FAM186B: variants seen among roughly 807,000 people sequenced by gnomAD.
The protein encoded by FAM186B is protein FAM186B.
In FAM186B, 68 loss-of-function variants were observed where a neutral mutation model predicts 83.4. The observed-to-expected ratio is 0.81, with a 90% CI of 0.67 to 1.00. The LOEUF (loss-of-function observed/expected upper bound fraction) is 1.00, where lower values mean the gene tolerates loss of function less well. FAM186B is among the 50% of genes least tolerant of loss of function. FAM186B has a pLI of 0.00. For synonymous variants in FAM186B, 389 were observed against 422.0 expected, an observed-to-expected ratio of 0.92 and a Z score of 0.96; for missense variants, 983 against 1,099.2, an observed-to-expected ratio of 0.89 and a Z score of 1.49.
chr12:49,613,275 C>A, the FAM186B span, among the ~76,000 whole-genome samples: 2 of 152,088 alleles, frequency 1.3e-5, no homozygotes, highest in African/African-American at 4.8e-5. Flanking sequence ...CGCCTGTAAT[C>A]CCAGCACTTT....
At chr12:49,592,473 A>T (rs368946420) in intron 5 of FAM186B, among the ~76,000 whole-genome samples, 87 of 152,070 alleles carry the variant, frequency 5.7e-4, no homozygotes, top group Middle Eastern at 6.8e-3. Context: ...CTCTGTCTCA[A>T]AAAATAATAA....
At position 49,600,487 on chromosome 12, in the gene FAM186B, T is replaced by C; in HGVS notation, c.1153A>G (p.Ile385Val). ...GAAAGTGGCTGGTGCCCTGCAGCTATAGCACCACTGTCCCGTATCATGGCC... is the reference window on the plus strand; with the variant it reads ...GAAAGTGGCTGGTGCCCTGCAGCTACAGCACCACTGTCCCGTATCATGGCC... ...PMAMIRDSGA[I>V]AAGHQPLSTM... Residue 385 changes from isoleucine (I) to valine (V), a missense_variant, in exon 4 of 7, where the codon ATA (isoleucine) becomes GTA (valine). Coordinates refer to ENST00000257894, the MANE Select transcript of FAM186B (RefSeq NM_032130.3). This position sits in a 1 kb window ranked among gnomAD's most constrained non-coding sequence, Gnocchi z 4.3. The C allele has an allele frequency of 1.2e-6, 2 of 1,613,882 alleles. No individual in the cohort carries two copies. Among genetic ancestry groups the C allele is most frequent in the South Asian group, 1.1e-5 (1 of 91,024 alleles).
downstream of FAM186B, among the ~76,000 whole-genome samples, chr12:49,587,171 C>T (rs114052953): frequency 0.016 from 2,404 of 152,080 alleles, 60 homozygotes; most frequent in African/African-American, 0.054. Flanking sequence ...TTCTAGGGAC[C>T]GTTCTTGAAG....
chr12:49,605,378 C>G lies in FAM186B; in HGVS notation c.96+4G>C, dbSNP rs767650412. 1.9e-6 allele frequency: 3 copies of G among 1,611,258 alleles called. No homozygotes were observed. In the South Asian group the frequency reaches 3.3e-5, roughly 18 times the overall value. ...AAGAGTGATTCCTTCATCTCAGGGG[C>G]TACCTCTTGAGCCCGAGTTAGCTGG... On this transcript the variant is annotated splice_donor_region_variant and intron_variant, in intron 1 of 6. Transcript: ENST00000257894.
At chr12:49,596,725 T>G (rs1188222645) in intron 5 of FAM186B, among the ~76,000 whole-genome samples, 1 of 152,032 alleles carries the variant, frequency 6.6e-6, no homozygotes, top group African/African-American at 2.4e-5. Context: ...GTATGGAGGC[T>G]CCTAAAAAAA....
At chr12:49,602,214 GAC>G (rs1939911118) in intron 3 of FAM186B, among the ~76,000 whole-genome samples, 1 of 152,166 alleles carries the variant, frequency 6.6e-6, no homozygotes, top group Admixed American at 6.5e-5. Flanking sequence ...AAGAACTAAA[GAC>G]ACAGTCTTTA....
chr12:49,598,755 CT>C lies in FAM186B; in HGVS notation c.2363del (p.Lys788SerfsTer10). 6.2e-7 allele frequency: 1 copy of C among 1,602,838 alleles called. No homozygotes were observed. Among genetic ancestry groups the C allele is most frequent in the Non-Finnish European group, 8.5e-7 (1 of 1,176,832 alleles). On this transcript the variant is annotated frameshift_variant and splice_region_variant, in exon 5 of 7. Coordinates refer to ENST00000257894, the MANE Select transcript of FAM186B (RefSeq NM_032130.3). LOFTEE classifies it high-confidence loss of function. ...GGGGGGGTCAGGGCGGGAGGCCCAC[CT>C]TGGGGAACATGGTCACCATGCTGCT... ...CLSSMVTMFP[K>X]LQLEWNVHLN...
intron 5 of FAM186B, chr12:49,595,246 C>T: frequency 1.4e-6 from 1 of 691,974 alleles, no homozygotes; most frequent in South Asian, 1.4e-5. Context: ...TGGAAAAGAC[C>T]CAGTACAGTG....
At chr12:49,583,974 A>G (rs1391716785), downstream of FAM186B, 1 of 157,508 alleles carries the variant, frequency 6.3e-6, no homozygotes, top group African/African-American at 2.4e-5. Context: ...TTTGAACCTC[A>G]TGTCTCCATG....
Position 49,604,460 on chromosome 12 carries a change from C to G in FAM186B, c.175G>C (p.Asp59His). ...TGAGATTTGGCATTTTCTTTTAAAT[C>G]ATATCCTAATTCTTCCTGGAAGCGG... ...INRFQEELGY[D>H]LKENAKSQQR... Residue 59 changes from aspartate to histidine, a missense_variant, in exon 2 of 7, where the codon GAT (aspartate) becomes CAT (histidine). Transcript: ENST00000257894. 6.2e-7 allele frequency: 1 copy of G among 1,614,208 alleles called. No homozygotes were observed. The highest frequency in any genetic ancestry group is 1.3e-5 in the African/African-American group (1 of 75,048).
the FAM186B span, among the ~76,000 whole-genome samples, chr12:49,615,914 G>A: frequency 2.0e-5 from 3 of 152,202 alleles, no homozygotes; most frequent in Non-Finnish European, 1.5e-5. Context: ...TGATAAGAAT[G>A]AGTCAGATGA....
rs1024877891 is a variant in FAM186B at position 49,594,662 on chromosome 12, G to A, written c.2364+4093C>T. Among the ~76,000 whole-genome samples, 5 of 152,210 alleles carry A rather than the reference G, an allele frequency of 3.3e-5. No individual in the cohort carries two copies. In the East Asian group the frequency reaches 9.6e-4, roughly 29 times the overall value. On this transcript the variant is annotated intron_variant, in intron 5 of 6. Transcript: ENST00000257894. Reference sequence around the variant, plus strand: ...GGCCAAGGTGGGTGGATCACCAGAGGTCAGGAGTTTGAGACCAGCCTGGCC... The same window carrying A: ...GGCCAAGGTGGGTGGATCACCAGAGATCAGGAGTTTGAGACCAGCCTGGCC...
At chr12:49,622,289 C>T in the FAM186B span, among the ~76,000 whole-genome samples, 1 of 151,944 alleles carries the variant, frequency 6.6e-6, no homozygotes, top group Non-Finnish European at 1.5e-5. Context: ...CCACCTCCCC[C>T]AAAAGTTTGA....
chr12:49,597,652 A>T (rs1448921705), intron 5 of FAM186B, among the ~76,000 whole-genome samples: 1 of 152,194 alleles, frequency 6.6e-6, no homozygotes, highest in East Asian at 1.9e-4. Context: ...ATGTGAGATG[A>T]TGGATATGTT....
Position 49,605,482 on chromosome 12 carries a change from G to T in FAM186B, c.-5C>A, listed in dbSNP as rs1311841438. 1.2e-6 allele frequency: 2 copies of T among 1,612,310 alleles called. No homozygotes were observed. The highest frequency in any genetic ancestry group is 1.7e-6 in the Non-Finnish European group (2 of 1,179,288). On this transcript the variant is annotated 5_prime_UTR_variant, in exon 1 of 7. Coordinates refer to ENST00000257894, the MANE Select transcript of FAM186B (RefSeq NM_032130.3). ...TGGGGGGTCATCCTTCTCCATTTTG[G>T]ATCACTCTGTCAGTCACAAAACATC... is the stretch of plus-strand genomic sequence containing the variant.
At chr12:49,611,858 A>AAAAATAAAAT in the FAM186B span, among the ~76,000 whole-genome samples, 1 of 148,286 alleles carries the variant, frequency 6.7e-6, no homozygotes, top group South Asian at 2.2e-4. Flanking sequence ...ACTCCATCTG[A>AAAAATAAAAT]AAAATAAAAT....
chr12:49,616,536 C>T, the FAM186B span, among the ~76,000 whole-genome samples: 2 of 152,170 alleles, frequency 1.3e-5, no homozygotes, highest in Admixed American at 1.3e-4. Context: ...TACCACTTCA[C>T]ATGACAAAGG....
chr12:49,583,460 A>C, downstream of FAM186B: 1 of 191,498 alleles, frequency 5.2e-6, no homozygotes, highest in Non-Finnish European at 1.1e-5. Flanking sequence ...CAGAAAAGAA[A>C]GAGCCTGGGA....
chr12:49,608,430 G>T (rs1940055376), upstream of FAM186B, among the ~76,000 whole-genome samples: 1 of 150,034 alleles, frequency 6.7e-6, no homozygotes, highest in Admixed American at 6.6e-5. Context: ...GTCCTGGGTT[G>T]CAGTGAGCTG....
Sources: allele counts gnomAD v4.1 joint callset (sites outside exome capture counted in the v4.1 genomes callset), GRCh38; gene constraint gnomAD v4.1.1; non-coding constraint Gnocchi (gnomAD v3.1); transcripts MANE v1.5; gene names NCBI Gene and HGNC (gene_info 2026-07-23, HGNC 2026-07-21).